Variants in SNPH observed in about 807,000 individuals in gnomAD.
SNPH encodes the protein syntaphilin.
Under a neutral mutation model 36.8 loss-of-function variants are expected in SNPH, and 10 were observed. The observed-to-expected ratio is 0.27, with a 90% CI of 0.17 to 0.46. The LOEUF is 0.46. SNPH is among the 20% of genes least tolerant of loss of function. The pLI is 1.00. For missense variants in SNPH, 622 were observed against 744.0 expected (o/e 0.84, Z 1.91); for synonymous variants, 281 against 312.2 (o/e 0.90, Z 1.05).
At chr20:1,279,836 G>A (rs75768013) in intron 2 of SNPH, among the ~76,000 whole-genome samples, 4,009 of 152,236 alleles carry the variant, frequency 0.026, 78 homozygotes, top group South Asian at 0.11. Flanking sequence ...GGCCCTTGAT[G>A]CCTTTTATTC....
In SNPH at chr20:1,288,625, TTC is replaced by T. The variant is rs1568544422; in HGVS notation, c.-492-6324_-492-6323del. On this transcript the variant is annotated intron_variant, in intron 2 of 6. Coordinates refer to ENST00000381867, the MANE Select transcript of SNPH (RefSeq NM_001318234.2). ...ACATGAGGAATTTCTTTTTCTTTTT[TTC>T]TTTTTTTTTTTGAGATGGAGTCTCC... Among the ~76,000 whole-genome samples, 32 of 149,224 alleles carry T rather than the reference TTC, an allele frequency of 2.1e-4. 9 individuals are homozygous for T. The highest frequency in any genetic ancestry group is 2.7e-4 in the Non-Finnish European group (18 of 66,892).
intron 2 of SNPH, among the ~76,000 whole-genome samples, chr20:1,274,030 AAC>A (rs2088102283): frequency 6.6e-6 from 1 of 152,216 alleles, no homozygotes. Flanking sequence ...CCATTTGTTG[AAC>A]ACACACAACA....
At position 1,277,663 on chromosome 20, in the gene SNPH, TGTGTGTCC is replaced by T. The variant is rs1169746475; in HGVS notation, c.-493+10910_-493+10917del. Among the ~76,000 whole-genome samples, 3 of 150,720 alleles carry T rather than the reference TGTGTGTCC, an allele frequency of 2.0e-5. No homozygotes were observed. The East Asian group carries it at 5.9e-4, about 30-fold the overall frequency. The stretch of plus-strand genomic sequence containing the variant: ...CTGTGCCTGTGTGTCTGTGTATCTG[TGTGTGTCC>T]GTGTGTGTCCATGTGTGTGCCTGTG... On this transcript the variant is annotated intron_variant, in intron 2 of 6. Transcript: ENST00000381867.
rs1169137766 is a variant in SNPH, at chr20:1,307,451, T to G, written c.*1397T>G. Reference sequence around the variant, plus strand: ...ACCATTATTATTTTACCAAGTAAACTCACTCCTTTTCCCCCACAGGGGTTA... The same window carrying G: ...ACCATTATTATTTTACCAAGTAAACGCACTCCTTTTCCCCCACAGGGGTTA... On this transcript the variant is annotated 3_prime_UTR_variant, in exon 7 of 7. Coordinates refer to ENST00000381867, the MANE Select transcript of SNPH (RefSeq NM_001318234.2). 1.3e-5 allele frequency: 2 copies of G among 152,260 alleles called. No individual in the cohort carries two copies. The highest frequency in any genetic ancestry group is 4.8e-5 in the African/African-American group (2 of 41,444). 9.4% of individuals were successfully genotyped at this position (152,260 alleles called of 1,614,324 possible). A position where few individuals can be genotyped will look rare whatever the true frequency, so the allele number is the denominator to read the frequency against.
At chr20:1,274,659 G>A (rs2088110377) in intron 2 of SNPH, among the ~76,000 whole-genome samples, 2 of 152,182 alleles carry the variant, frequency 1.3e-5, no homozygotes, top group South Asian at 4.1e-4. Context: ...GGATCTAAAG[G>A]CTGGCACTCG....
chr20:1,288,624 T>C (rs948643701), intron 2 of SNPH, among the ~76,000 whole-genome samples: 28 of 149,712 alleles, frequency 1.9e-4, no homozygotes, highest in African/African-American at 4.1e-4. Flanking sequence ...TTTTTCTTTT[T>C]TTCTTTTTTT....
At chr20:1,286,673 A>G (rs77927062) in intron 2 of SNPH, among the ~76,000 whole-genome samples, 1,834 of 152,270 alleles carry the variant, frequency 0.012, 31 homozygotes, top group African/African-American at 0.042. Flanking sequence ...AAAATGTGGC[A>G]GTTGGGACTC....
intron 2 of SNPH, among the ~76,000 whole-genome samples, chr20:1,269,180 T>C (rs1210608901): frequency 6.6e-6 from 1 of 152,214 alleles, no homozygotes; most frequent in Non-Finnish European, 1.5e-5. Context: ...TTATGTGACC[T>C]TGGGCCAGTC....
At chr20:1,271,162 G>A (rs2088068193) in intron 2 of SNPH, among the ~76,000 whole-genome samples, 1 of 152,226 alleles carries the variant, frequency 6.6e-6, no homozygotes, top group Admixed American at 6.5e-5. Context: ...AGCAGGAAGA[G>A]CCAGCACCGA....
chr20:1,293,528 T>G (rs919700409), intron 2 of SNPH, among the ~76,000 whole-genome samples: 18 of 152,236 alleles, frequency 1.2e-4, no homozygotes, highest in African/African-American at 4.3e-4. Flanking sequence ...ACCTGCCTCC[T>G]TGCTAGGGCC....
At chr20:1,284,103 A>G (rs530586889) in intron 2 of SNPH, among the ~76,000 whole-genome samples, 1 of 152,326 alleles carries the variant, frequency 6.6e-6, no homozygotes, top group African/African-American at 2.4e-5. Context: ...GCTCTTGCAT[A>G]TAGTCATTAC....
intron 2 of SNPH, among the ~76,000 whole-genome samples, chr20:1,291,005 G>A (rs1167562881): frequency 2.0e-5 from 3 of 152,196 alleles, no homozygotes; most frequent in African/African-American, 4.8e-5. Flanking sequence ...AAACACATAC[G>A]AGAGGAGCCT....
At chr20:1,287,739 G>T (rs190871648) in intron 2 of SNPH, among the ~76,000 whole-genome samples, 59 of 152,284 alleles carry the variant, frequency 3.9e-4, no homozygotes, top group Non-Finnish European at 6.8e-4. Context: ...GAATTTTTAG[G>T]GATGGAAGTC....
chr20:1,277,517 CTG>C (rs1384218967), intron 2 of SNPH, among the ~76,000 whole-genome samples: 4 of 138,396 alleles, frequency 2.9e-5, no homozygotes, highest in South Asian at 2.3e-4. Context: ...GTGTGTGTGC[CTG>C]TGTGTCTGTC....
rs1158312462 is a variant in SNPH at position 1,306,262 on chromosome 20, G to C, written c.*208G>C. The C allele has an allele frequency of 2.1e-6, 1 of 467,398 alleles. No individual in the cohort carries two copies. 29.0% of individuals were successfully genotyped at this position (467,398 alleles called of 1,614,324 possible). On this transcript the variant is annotated 3_prime_UTR_variant, in exon 7 of 7. Coordinates refer to ENST00000381867, the MANE Select transcript of SNPH (RefSeq NM_001318234.2). ...AGCTTCGATGGAGAGCAGGGAAGGGGGACCCAAGGCAGGAGGTACACCAGC... is the reference window on the plus strand; with the variant it reads ...AGCTTCGATGGAGAGCAGGGAAGGGCGACCCAAGGCAGGAGGTACACCAGC...
At chr20:1,300,533 C>G (rs755951397) in intron 5 of SNPH, 29 bp from the exon 6 acceptor site, 1 of 1,613,526 alleles carries the variant, frequency 6.2e-7, no homozygotes, top group African/African-American at 1.3e-5. Context: ...CCTCTTCCTC[C>G]CTCCCTGATG....
intron 2 of SNPH, among the ~76,000 whole-genome samples, chr20:1,274,487 G>A (rs894106986): frequency 1.3e-5 from 2 of 152,214 alleles, no homozygotes; most frequent in Non-Finnish European, 2.9e-5. Context: ...AGTTTGGAAA[G>A]GCTGTGCTTG....
intron 2 of SNPH, among the ~76,000 whole-genome samples, chr20:1,277,920 T>TGG (rs1491195070): frequency 2.5e-5 from 3 of 121,500 alleles, no homozygotes; most frequent in African/African-American, 1.0e-4. Flanking sequence ...TGTGTGTGCC[T>TGG]GTGTGTGTCT....
At chr20:1,273,215 T>G (rs1413632590) in intron 2 of SNPH, among the ~76,000 whole-genome samples, 1 of 152,092 alleles carries the variant, frequency 6.6e-6, no homozygotes, top group African/African-American at 2.4e-5. Context: ...AAAGTTGGGA[T>G]CTGGTTGCAA....
Sources: gnomAD v4.1 joint callset for allele counts (sites outside exome capture counted in the v4.1 genomes callset) on GRCh38, gnomAD v4.1.1 for gene constraint, MANE v1.5 for transcripts, NCBI Gene and HGNC (gene_info 2026-07-23, HGNC 2026-07-21) for gene names.